BNC2: variants seen among roughly 807,000 people sequenced by gnomAD.
The protein encoded by BNC2 is zinc finger protein basonuclin-2.
BNC2 carries 20 observed loss-of-function variants against 76.3 expected under a neutral mutation model. The observed-to-expected ratio is 0.26, with a 90% CI of 0.18 to 0.38. BNC2 has a LOEUF of 0.38. Ranked by LOEUF, BNC2 falls within the 10% of genes least tolerant of loss-of-function variation. BNC2 has a pLI of 1.00. For missense variants in BNC2, 1,382 were observed against 1,399.8 expected (o/e 0.99, Z 0.20); for synonymous variants, 582 against 514.8 (o/e 1.13, Z -1.77).
rs1418399391 is a variant in BNC2, at chr9:16,552,688, T to C, written c.511A>G (p.Ile171Val). 2 of 1,614,200 alleles carry C rather than the reference T, an allele frequency of 1.2e-6. No individual in the cohort carries two copies. The highest frequency in any genetic ancestry group is 8.5e-7 in the Non-Finnish European group (1 of 1,180,038). ...EIVQSNVVFD[I>V]SSLMLYGTQA... is the part of the protein sequence containing the mutation. ...GTCCCATAGAGCATCAGGCTGCTGA[T>C]GTCAAACACGACGTTGGACTGCACA... Residue 171 changes from isoleucine (I) to valine (V), a missense_variant, in exon 5 of 7, where the codon ATC (isoleucine) becomes GTC (valine). Transcript: ENST00000380672.
intron 1 of BNC2, among the ~76,000 whole-genome samples, chr9:16,777,678 G>T (rs1826006924): frequency 1.4e-5 from 2 of 146,284 alleles, no homozygotes; most frequent in African/African-American, 2.5e-5. Flanking sequence ...TCCAGCCTTG[G>T]CGACAGGGCA....
Position 16,418,847 on chromosome 9 carries a change from T to A in BNC2, c.*142A>T. ...TATCTCAAGGAAATACGTGTGTGTA[T>A]ATGTAGCCACAGAGCATACATAAAT... On this transcript the variant is annotated 3_prime_UTR_variant, in exon 7 of 7. Transcript: ENST00000380672. 1 of 905,242 alleles carries A rather than the reference T, an allele frequency of 1.1e-6. No individual in the cohort carries two copies. The highest frequency in any genetic ancestry group is 1.7e-6 in the Non-Finnish European group (1 of 576,322). 56.1% of individuals were successfully genotyped at this position (905,242 alleles called of 1,614,324 possible).
intron 5 of BNC2, among the ~76,000 whole-genome samples, chr9:16,442,318 C>T (rs1404555037): frequency 2.0e-5 from 3 of 152,156 alleles, no homozygotes; most frequent in African/African-American, 7.2e-5. Context: ...TACACCTACA[C>T]ATTTGAAATA....
At chr9:16,661,783 A>G (rs893385441) in intron 3 of BNC2, among the ~76,000 whole-genome samples, 1 of 152,232 alleles carries the variant, frequency 6.6e-6, no homozygotes, top group African/African-American at 2.4e-5. Context: ...CCATGTAAAT[A>G]CACATAAGAA....
chr9:16,709,880 A>G (rs184056454), intron 3 of BNC2, among the ~76,000 whole-genome samples: 3 of 152,292 alleles, frequency 2.0e-5, no homozygotes, highest in South Asian at 2.1e-4. Context: ...AATTAAGATT[A>G]TGTCTTCAAA....
chr9:16,479,249 CAAAAAAAAAAAAAAG>C (rs1821994773), intron 5 of BNC2, among the ~76,000 whole-genome samples: 1 of 65,204 alleles, frequency 1.5e-5, no homozygotes, highest in Non-Finnish European at 2.8e-5. Flanking sequence ...GACTCTGTCT[CAAAAAAAAAAAAAAG>C]AAAAGAAAAG....
At chr9:16,761,254 AAAC>A (rs939046728) in intron 1 of BNC2, among the ~76,000 whole-genome samples, 2 of 152,154 alleles carry the variant, frequency 1.3e-5, no homozygotes, top group African/African-American at 4.8e-5. Context: ...TCAAAACAAA[AAAC>A]AACAACAACA....
intron 1 of BNC2, among the ~76,000 whole-genome samples, chr9:16,752,213 TGTTAA>T (rs1825239176): frequency 1.3e-5 from 2 of 152,342 alleles, no homozygotes; most frequent in South Asian, 4.1e-4. Context: ...AATTTTGTTT[TGTTAA>T]GTTATGTTTT....
intron 5 of BNC2, among the ~76,000 whole-genome samples, chr9:16,453,466 T>C (rs1023241248): frequency 6.6e-6 from 1 of 152,226 alleles, no homozygotes; most frequent in African/African-American, 2.4e-5. Context: ...GAGTTTCATA[T>C]ACCTATCTCT....
chr9:16,575,429 G>C, intron 4 of BNC2: 3 of 985,376 alleles, frequency 3.0e-6, no homozygotes, highest in Non-Finnish European at 3.6e-6. Flanking sequence ...AAGAAAATCT[G>C]GGGAGCTAAT....
At chr9:16,644,904 G>A (rs1363432001) in intron 3 of BNC2, among the ~76,000 whole-genome samples, 1 of 152,128 alleles carries the variant, frequency 6.6e-6, no homozygotes, top group African/African-American at 2.4e-5. Context: ...TTCAAAGTTT[G>A]AAAGAAACTA....
chr9:16,551,058 A>G, intron 5 of BNC2, among the ~76,000 whole-genome samples: 1 of 152,128 alleles, frequency 6.6e-6, no homozygotes, highest in East Asian at 1.9e-4. Context: ...TGACCGTCCA[A>G]GACTTATCTT....
intron 4 of BNC2, among the ~76,000 whole-genome samples, chr9:16,577,885 T>C (rs1000900715): frequency 6.6e-6 from 1 of 152,140 alleles, no homozygotes; most frequent in Non-Finnish European, 1.5e-5. Context: ...GGTATATCCT[T>C]TCATTTAAAG....
At chr9:16,804,469 G>A (rs530495572) in intron 1 of BNC2, among the ~76,000 whole-genome samples, 8 of 152,270 alleles carry the variant, frequency 5.3e-5, no homozygotes, top group African/African-American at 1.9e-4. Context: ...GCATATACAT[G>A]CAGATGCTCA....
In BNC2 at chr9:16,585,113, T is replaced by C. The variant is rs550125626; in HGVS notation, c.331-2028A>G. Among the ~76,000 whole-genome samples the C allele has an allele frequency of 9.1e-4, 138 of 152,260 alleles. 1 individual carries two copies. Among genetic ancestry groups the C allele is most frequent in the African/African-American group, 3.2e-3 (131 of 41,582 alleles). On this transcript the variant is annotated intron_variant, in intron 3 of 6. Coordinates refer to ENST00000380672, the MANE Select transcript of BNC2 (RefSeq NM_017637.6). ...ATAATATTTAATTATTTTATAAAAA[T>C]ATCCTAATTTTGTATTGTCTTTAAA...
At chr9:16,751,432 GA>G (rs1825191915) in intron 1 of BNC2, among the ~76,000 whole-genome samples, 1 of 151,810 alleles carries the variant, frequency 6.6e-6, no homozygotes, top group African/African-American at 2.4e-5. Context: ...ACTCTCTCAA[GA>G]AAAAGTCTTA....
Position 16,481,032 on chromosome 9 carries a change from T to C in BNC2, c.670-43508A>G, listed in dbSNP as rs111968795. Among the ~76,000 whole-genome samples, 344 of 152,210 alleles carry C rather than the reference T, an allele frequency of 2.3e-3. 2 individuals are homozygous for C. The highest frequency in any genetic ancestry group is 8.1e-3 in the African/African-American group (335 of 41,536). The stretch of plus-strand genomic sequence containing the variant: ...GCTCAGGGATTGTAAATACACCAGT[T>C]GGCACTCTGTATCTAGCTCAAGGTT... On this transcript the variant is annotated intron_variant, in intron 5 of 6. Coordinates refer to ENST00000380672, the MANE Select transcript of BNC2 (RefSeq NM_017637.6).
chr9:16,732,162 A>AAAAAAAAAAAAAAAAAAAAAAG (rs59888253), intron 2 of BNC2, among the ~76,000 whole-genome samples: 6 of 123,504 alleles, frequency 4.9e-5, no homozygotes, highest in Non-Finnish European at 8.5e-5. Context: ...TCCTGCAAAA[A>AAAAAAAAAAAAAAAAAAAAAAG]AAAAAGAAAA....
chr9:16,498,474 C>T (rs1822447063), intron 5 of BNC2, among the ~76,000 whole-genome samples: 4 of 149,864 alleles, frequency 2.7e-5, no homozygotes, highest in African/African-American at 9.8e-5. Context: ...TATGAGGACG[C>T]AAACACCTAA....
Sources: allele counts gnomAD v4.1 joint callset (sites outside exome capture counted in the v4.1 genomes callset), GRCh38; gene constraint gnomAD v4.1.1; transcripts MANE v1.5; gene names NCBI Gene and HGNC (gene_info 2026-07-23, HGNC 2026-07-21).